The following EHHADH variants were observed in gnomAD, a reference collection of about 807,000 sequenced individuals.
The protein encoded by EHHADH is peroxisomal bifunctional enzyme.
In EHHADH, 48 loss-of-function variants were observed where a neutral mutation model predicts 64.4. The ratio of observed to expected loss-of-function variants is 0.75; its 90% CI spans 0.59 to 0.95. The LOEUF (loss-of-function observed/expected upper bound fraction) is 0.95, where lower values mean the gene tolerates loss of function less well. Among genes scored for constraint, EHHADH ranks in the 40% least tolerant of loss-of-function variants. EHHADH has a pLI of 0.00. For missense variants in EHHADH, 854 were observed against 876.6 expected, an observed-to-expected ratio of 0.97 and a Z score of 0.33; for synonymous variants, 308 against 326.7, an observed-to-expected ratio of 0.94 and a Z score of 0.62.
At chr3:185,197,550 G>A (rs1043155553) in intron 6 of EHHADH, among the ~76,000 whole-genome samples, 3 of 152,168 alleles carry the variant, frequency 2.0e-5, no homozygotes, top group Non-Finnish European at 4.4e-5. Context: ...TGCAGTATTT[G>A]ATCTTTTATG....
rs919623298 is a variant in EHHADH, at chr3:185,190,783, A to C, written c.*1443T>G. ...TTTTTTGTTTGCTTTTTAACAACGG[A>C]AAACTTATACTCCATTCAAGATTTT... On this transcript the variant is annotated 3_prime_UTR_variant, in exon 7 of 7. Transcript: ENST00000231887. The C allele has an allele frequency of 1.3e-5, 2 of 152,206 alleles. No homozygotes were observed. The highest frequency in any genetic ancestry group is 4.8e-5 in the African/African-American group (2 of 41,434). The allele number at this position is 152,206 out of a possible 1,614,324, so 9.4% of individuals were successfully genotyped here.
chr3:185,201,579 G>A (rs1285674190), intron 6 of EHHADH, among the ~76,000 whole-genome samples: 1 of 152,134 alleles, frequency 6.6e-6, no homozygotes. Flanking sequence ...GGACACGAGG[G>A]AGCGGTGGAA....
chr3:185,194,845 A>C (rs1330895848), intron 6 of EHHADH, among the ~76,000 whole-genome samples: 1 of 144,320 alleles, frequency 6.9e-6, no homozygotes, highest in African/African-American at 2.5e-5. Flanking sequence ...TATAGTATTT[A>C]AGACAGTGTA....
At chr3:185,229,302 C>T (rs1028079131) in intron 4 of EHHADH, 130 bp downstream of exon 4, 18 of 433,490 alleles carry the variant, frequency 4.2e-5, no homozygotes, top group African/African-American at 2.0e-4. Context: ...ATCAGAAAAT[C>T]GAGAGGCCAA....
chr3:185,244,354 T>C (rs1719537154), intron 2 of EHHADH, among the ~76,000 whole-genome samples: 2 of 152,228 alleles, frequency 1.3e-5, no homozygotes, highest in African/African-American at 4.8e-5. Context: ...TTAATATTGA[T>C]ATATGAGGGT....
chr3:185,212,857 C>A (rs1021485828), intron 5 of EHHADH, among the ~76,000 whole-genome samples: 2 of 152,010 alleles, frequency 1.3e-5, no homozygotes, highest in African/African-American at 4.8e-5. Flanking sequence ...CGGTAGCTCA[C>A]GCCTGTAATC....
intron 5 of EHHADH, among the ~76,000 whole-genome samples, chr3:185,207,065 A>G (rs1380089413): frequency 6.6e-6 from 1 of 151,948 alleles, no homozygotes; most frequent in Non-Finnish European, 1.5e-5. Flanking sequence ...AGGTGGGCAG[A>G]TTGCTTTGAG....
chr3:185,205,404 G>A (rs1006395974), intron 5 of EHHADH, among the ~76,000 whole-genome samples: 23 of 152,126 alleles, frequency 1.5e-4, no homozygotes, highest in East Asian at 9.6e-4. Flanking sequence ...CCTTAACTCC[G>A]TTCCTAATAG....
intron 3 of EHHADH, among the ~76,000 whole-genome samples, chr3:185,234,076 T>C (rs941391697): frequency 7.9e-5 from 12 of 152,230 alleles, no homozygotes; most frequent in Admixed American, 3.3e-4. Context: ...ATGATGATTT[T>C]AGTTTACATC....
chr3:185,244,933 A>G (rs1361473521), intron 2 of EHHADH, among the ~76,000 whole-genome samples: 1 of 152,166 alleles, frequency 6.6e-6, no homozygotes, highest in Non-Finnish European at 1.5e-5. Flanking sequence ...AAGTGGCCCC[A>G]CTTTTTTGAT....
chr3:185,249,379 C>T (rs750527622), intron 1 of EHHADH, among the ~76,000 whole-genome samples: 5 of 152,174 alleles, frequency 3.3e-5, no homozygotes, highest in Non-Finnish European at 4.4e-5. Flanking sequence ...CCACCCACCT[C>T]GGCCTCCCAA....
At chr3:185,198,294 C>A (rs1718126237) in intron 6 of EHHADH, among the ~76,000 whole-genome samples, 2 of 152,222 alleles carry the variant, frequency 1.3e-5, no homozygotes, top group South Asian at 4.1e-4. Flanking sequence ...TCTCAGCTCA[C>A]TGTAACCTCC....
At chr3:185,237,629 T>C (rs900501132) in intron 2 of EHHADH, among the ~76,000 whole-genome samples, 1 of 152,224 alleles carries the variant, frequency 6.6e-6, no homozygotes, top group Non-Finnish European at 1.5e-5. Flanking sequence ...AATTTTTCTT[T>C]TTAATCTTTT....
intron 6 of EHHADH, among the ~76,000 whole-genome samples, chr3:185,194,567 G>A (rs1453068141): frequency 3.3e-5 from 5 of 151,276 alleles, no homozygotes; most frequent in Admixed American, 1.3e-4. Context: ...AGCCAAGATC[G>A]CACCATTGCA....
At chr3:185,207,960 T>C (rs1357285611) in intron 5 of EHHADH, among the ~76,000 whole-genome samples, 1 of 152,230 alleles carries the variant, frequency 6.6e-6, no homozygotes, top group Non-Finnish European at 1.5e-5. Flanking sequence ...GAATGGCTAA[T>C]ATGCACACAA....
At chr3:185,224,433 G>A (rs1165437285) in intron 4 of EHHADH, among the ~76,000 whole-genome samples, 2 of 149,750 alleles carry the variant, frequency 1.3e-5, no homozygotes, top group Admixed American at 1.3e-4. Flanking sequence ...CCCGGGAGGT[G>A]GAGGTTGTGG....
chr3:185,237,470 TTTTG>T (rs747907323), intron 2 of EHHADH, among the ~76,000 whole-genome samples: 1 of 152,226 alleles, frequency 6.6e-6, no homozygotes, highest in Non-Finnish European at 1.5e-5. Flanking sequence ...CAATTCGCCA[TTTTG>T]TTTGTTTCCT....
chr3:185,192,623 G>T lies in EHHADH; in HGVS notation c.1775C>A (p.Pro592His). 6.2e-7 allele frequency: 1 copy of T among 1,614,228 alleles called. No individual in the cohort carries two copies. The highest frequency in any genetic ancestry group is 2.2e-5 in the East Asian group (1 of 44,892). ...YDKPLGRIHK[P>H]DPWLSKFLSR... ...TAGGAATTTGGAAAGCCAGGGATCA[G>T]GTTTGTGAATCCTACCCAATGGCTT... Residue 592 changes from proline (P) to histidine (H), a missense_variant, in exon 7 of 7, where the codon CCT becomes CAT. Coordinates refer to ENST00000231887, the MANE Select transcript of EHHADH (RefSeq NM_001966.4).
chr3:185,207,666 A>G (rs1718433948), intron 5 of EHHADH, among the ~76,000 whole-genome samples: 1 of 152,218 alleles, frequency 6.6e-6, no homozygotes, highest in Admixed American at 6.5e-5. Context: ...TAGAGCCTCC[A>G]GAAAAGAGTG....
Sources: gnomAD v4.1 joint callset for allele counts (sites outside exome capture counted in the v4.1 genomes callset) on GRCh38, gnomAD v4.1.1 for gene constraint, MANE v1.5 for transcripts, NCBI Gene and HGNC (gene_info 2026-07-23, HGNC 2026-07-21) for gene names.